Variants in POTEC observed in about 807,000 individuals in gnomAD.
The protein encoded by POTEC is POTE ankyrin domain family member C.
In POTEC, 35 loss-of-function variants were observed where a neutral mutation model predicts 62.0. That is an observed-to-expected ratio of 0.56 (90% CI 0.43 to 0.75). The LOEUF is 0.75. POTEC is among the 30% of genes least tolerant of loss of function. The pLI is 0.00. For synonymous variants in POTEC, 156 were observed against 221.5 expected (o/e 0.70, Z 2.62); for missense variants, 472 against 655.9 (o/e 0.72, Z 3.06).
At chr18:14,520,463 C>T (rs975731725) in intron 9 of POTEC, among the ~76,000 whole-genome samples, 4 of 152,166 alleles carry the variant, frequency 2.6e-5, no homozygotes, top group East Asian at 1.9e-4. Flanking sequence ...ACAGTTGATA[C>T]TCATCAAATA....
intron 1 of POTEC, among the ~76,000 whole-genome samples, chr18:14,539,613 C>T (rs1383300094): frequency 6.6e-6 from 1 of 150,736 alleles, no homozygotes; most frequent in Admixed American, 6.6e-5. Context: ...GGCTCTTGTT[C>T]TTTCTTTTAT....
At position 14,509,052 on chromosome 18, in the gene POTEC, T is replaced by C. The variant is rs961060849; in HGVS notation, c.*2846A>G. On this transcript the variant is annotated 3_prime_UTR_variant, in exon 11 of 11. Transcript: ENST00000358970. ...GTGCTTTAACTCTGGGGAACTTGTATTGGGCCACAACTTTGTCCTCTGGCT... is the reference window on the plus strand; with the variant it reads ...GTGCTTTAACTCTGGGGAACTTGTACTGGGCCACAACTTTGTCCTCTGGCT... 5 of 152,250 alleles carry C rather than the reference T, an allele frequency of 3.3e-5. No homozygotes were observed. Among genetic ancestry groups the C allele is most frequent in the African/African-American group, 1.2e-4 (5 of 41,464 alleles). The allele number at this position is 152,250 out of a possible 1,614,324, so 9.4% of individuals were successfully genotyped here. A position where few individuals can be genotyped will look rare whatever the true frequency, so the allele number is the denominator to read the frequency against.
chr18:14,541,483 C>T (rs1287259032), intron 1 of POTEC, among the ~76,000 whole-genome samples: 1 of 151,982 alleles, frequency 6.6e-6, no homozygotes, highest in Non-Finnish European at 1.5e-5. Flanking sequence ...GTCTTAAGAA[C>T]ACAAAAAAGT....
intron 2 of POTEC, 30 bp downstream of exon 2, chr18:14,538,105 C>G (rs1905809541): frequency 4.6e-6 from 7 of 1,509,882 alleles, no homozygotes; most frequent in Non-Finnish European, 6.2e-6. Context: ...TCAAACCCAT[C>G]TCACGCTGAT....
intron 9 of POTEC, among the ~76,000 whole-genome samples, chr18:14,517,689 C>T (rs1910202102): frequency 6.6e-6 from 1 of 152,120 alleles, no homozygotes; most frequent in African/African-American, 2.4e-5. Context: ...GGGTGAAACC[C>T]CATCTTTATT....
rs1255416534 is a variant in POTEC, at chr18:14,543,497, G to A, written c.-351C>T. ...AGGGAGGAAACGCCAATCCAAGCAA[G>A]AAACACCAGGCAAAGCGACTAACGC... On this transcript the variant is annotated 5_prime_UTR_variant, in exon 1 of 11. Coordinates refer to ENST00000358970, the MANE Select transcript of POTEC (RefSeq NM_001137671.2). 3 of 447,204 alleles carry A rather than the reference G, an allele frequency of 6.7e-6. No homozygotes were observed. Among genetic ancestry groups the A allele is most frequent in the East Asian group, 4.5e-5 (1 of 21,980 alleles). The allele number at this position is 447,204 out of a possible 1,614,324, so 27.7% of individuals were successfully genotyped here.
At chr18:14,513,532 TATA>T (rs1406469112) in intron 10 of POTEC, 127 bp downstream of exon 10, 16 of 1,324,650 alleles carry the variant, frequency 1.2e-5, no homozygotes, top group Non-Finnish European at 1.6e-5. Flanking sequence ...TGTGTTTACA[TATA>T]TACACACACA....
intron 3 of POTEC, among the ~76,000 whole-genome samples, chr18:14,536,650 T>C (rs1179285984): frequency 5.3e-5 from 8 of 152,130 alleles, no homozygotes; most frequent in Non-Finnish European, 1.2e-4. Context: ...GTAACTGGAA[T>C]GCACAACTCT....
rs1439481827 is a variant in POTEC at position 14,537,217 on chromosome 18, A to AAC, written c.810+583_810+584insGT. On this transcript the variant is annotated intron_variant, in intron 3 of 10. Coordinates refer to ENST00000358970, the MANE Select transcript of POTEC (RefSeq NM_001137671.2). ...CACACACACACACACACACAAAAAAAAAAAAAAACAAAAAAAAACCTCTTC... is the reference window on the plus strand; with the variant it reads ...CACACACACACACACACACAAAAAAAACAAAAAAAACAAAAAAAAACCTCTTC... Among the ~76,000 whole-genome samples, 24 of 132,316 alleles carry AAC rather than the reference A, an allele frequency of 1.8e-4. No individual in the cohort carries two copies. The East Asian group carries it at 4.3e-3, about 24-fold the overall frequency. 86.8% of individuals were successfully genotyped at this position (132,316 alleles called of 152,430 possible).
Position 14,531,954 on chromosome 18 carries a change from A to C in POTEC, c.1055+1107T>G, listed in dbSNP as rs183922989. Among the ~76,000 whole-genome samples the C allele has an allele frequency of 3.2e-3, 481 of 151,288 alleles. 7 individuals are homozygous for C. The South Asian group carries it at 0.046, about 15-fold the overall frequency. On this transcript the variant is annotated intron_variant, in intron 5 of 10. Transcript: ENST00000358970. ...AAAATCTTGAGCTAGAGATGGAAGTAGCTTGGATGATTTTCATTATCATGT... is the reference window on the plus strand; with the variant it reads ...AAAATCTTGAGCTAGAGATGGAAGTCGCTTGGATGATTTTCATTATCATGT...
chr18:14,530,980 T>A (rs1905494509), intron 5 of POTEC, among the ~76,000 whole-genome samples: 3 of 151,974 alleles, frequency 2.0e-5, no homozygotes, highest in Non-Finnish European at 4.4e-5. Context: ...TTTTAAATGC[T>A]CAGAGAAATA....
At chr18:14,523,251 A>T (rs1443276472) in intron 8 of POTEC, among the ~76,000 whole-genome samples, 1 of 149,394 alleles carries the variant, frequency 6.7e-6, no homozygotes, top group African/African-American at 2.5e-5. Context: ...ACCATTCAGG[A>T]TTGTTCCATA....
At chr18:14,537,744 T>C in intron 3 of POTEC, 57 bp downstream of exon 3, 1 of 1,595,460 alleles carries the variant, frequency 6.3e-7, no homozygotes, top group African/African-American at 1.3e-5. Flanking sequence ...CTTACACAGG[T>C]CAATGTTAAC....
At chr18:14,516,670 G>GA (rs1341136771) in intron 9 of POTEC, among the ~76,000 whole-genome samples, 3 of 145,286 alleles carry the variant, frequency 2.1e-5, no homozygotes, top group Non-Finnish European at 3.0e-5. Flanking sequence ...TACTGGGGGG[G>GA]GGTGTATCCT....
chr18:14,540,188 C>T (rs1446869045), intron 1 of POTEC, among the ~76,000 whole-genome samples: 1 of 151,896 alleles, frequency 6.6e-6, no homozygotes, highest in Non-Finnish European at 1.5e-5. Context: ...AAGAGGTAAA[C>T]AGAAGCCCTC....
rs1385205265 is a variant in POTEC at position 14,542,893 on chromosome 18, T to C, written c.254A>G (p.Asp85Gly). The C allele has an allele frequency of 1.5e-6, 2 of 1,303,120 alleles. No homozygotes were observed. Among genetic ancestry groups the C allele is most frequent in the East Asian group, 4.7e-5 (2 of 42,192 alleles). The allele number at this position is 1,303,120 out of a possible 1,614,324, so 80.7% of individuals were successfully genotyped here. A position where few individuals can be genotyped will look rare whatever the true frequency, so the allele number is the denominator to read the frequency against. The stretch of plus-strand genomic sequence containing the variant: ...CGTCTTCATAAAGGAGTTGTCATGG[T>C]CTCCAGAAGTGCCCACGTTGCTCGT... ...SGTSNVGTSG[D>G]HDNSFMKTLR... Residue 85 changes from aspartate to glycine, a missense_variant, in exon 1 of 11, where the codon GAC becomes GGC. By Grantham distance (94) the Asp-to-Gly change is moderately conservative. Coordinates refer to ENST00000358970, the MANE Select transcript of POTEC (RefSeq NM_001137671.2).
chr18:14,515,069 G>T (rs1364177750), intron 9 of POTEC, among the ~76,000 whole-genome samples: 1 of 152,096 alleles, frequency 6.6e-6, no homozygotes, highest in East Asian at 1.9e-4. Flanking sequence ...ACAAATAAAT[G>T]AACATACATT....
intron 3 of POTEC, among the ~76,000 whole-genome samples, chr18:14,537,319 C>A (rs1056130448): frequency 6.6e-6 from 1 of 150,874 alleles, no homozygotes; most frequent in Non-Finnish European, 1.5e-5. Context: ...CTTTCCACTT[C>A]TGCCTCATGA....
chr18:14,533,151 T>C lies in POTEC; in HGVS notation c.965A>G (p.Asn322Ser), dbSNP rs561143344. The C allele has an allele frequency of 2.2e-5, 36 of 1,611,478 alleles. No homozygotes were observed. The highest frequency in any genetic ancestry group is 1.7e-4 in the African/African-American group (13 of 74,932). ...ATCAACATTTTGCTCAAGGAGAAGA[T>C]TGACTATACTTGCTGATCCACAACA... ...AVCCGSASIV[N>S]LLLEQNVDVS... The change falls in exon 5 of 11, where the codon AAT becomes AGT. Residue 322 changes from asparagine to serine, a missense_variant. By Grantham distance (46) the Asn-to-Ser change is conservative. Transcript: ENST00000358970.
Sources: gnomAD v4.1 joint callset for allele counts (sites outside exome capture counted in the v4.1 genomes callset) on GRCh38, gnomAD v4.1.1 for gene constraint, MANE v1.5 for transcripts, NCBI Gene and HGNC (gene_info 2026-07-23, HGNC 2026-07-21) for gene names.